The following FNDC3A variants were observed in gnomAD, a reference collection of about 807,000 sequenced individuals.
FNDC3A encodes fibronectin type III domain containing 3A, also known as fibronectin type-III domain-containing protein 3A.
FNDC3A carries 32 observed loss-of-function variants against 148.9 expected under a neutral mutation model. The observed-to-expected ratio is 0.21, with a 90% CI of 0.16 to 0.29. The LOEUF (loss-of-function observed/expected upper bound fraction) is 0.29, where lower values mean the gene tolerates loss of function less well. Ranked by LOEUF, FNDC3A falls within the 10% of genes least tolerant of loss-of-function variation. FNDC3A has a pLI of 1.00. For synonymous variants in FNDC3A, 472 were observed against 473.6 expected (o/e 1.00, Z 0.04); for missense variants, 1,191 against 1,452.8 (o/e 0.82, Z 2.93).
At chr13:48,975,846 C>A (rs1566168400), upstream of FNDC3A, 1 of 151,430 alleles carries the variant, frequency 6.6e-6, no homozygotes, top group Non-Finnish European at 1.5e-5. Flanking sequence ...GGTTCGGGGT[C>A]CCGGCCGCGG....
chr13:49,122,760 A>G (rs538406121), intron 4 of FNDC3A, among the ~76,000 whole-genome samples: 1 of 152,328 alleles, frequency 6.6e-6, no homozygotes, highest in African/African-American at 2.4e-5. Context: ...TGCTACAAAG[A>G]GAACAAAATA....
At chr13:49,064,696 A>G (rs1231741614) in intron 2 of FNDC3A, among the ~76,000 whole-genome samples, 6 of 152,136 alleles carry the variant, frequency 3.9e-5, no homozygotes, top group Admixed American at 1.3e-4. Context: ...TAATGATGCT[A>G]TAGCTCCTCC....
chr13:49,178,619 A>G lies in FNDC3A; in HGVS notation c.1582A>G (p.Lys528Glu). 1 of 1,584,240 alleles carries G rather than the reference A, an allele frequency of 6.3e-7. No homozygotes were observed. Among genetic ancestry groups the G allele is most frequent in the Non-Finnish European group, 8.6e-7 (1 of 1,166,994 alleles). The part of the protein sequence containing the change: ...YDGEDLAYTV[K>E]NLRRSTKYKF... ...TGGAGAAGATCTTGCTTACACAGTG[A>G]AAAATCTCAGACGTAGTACTAAGTA... The change falls in exon 14 of 26, where the codon AAA becomes GAA. Residue 528 changes from lysine to glutamate, a missense_variant. Coordinates refer to ENST00000492622, the MANE Select transcript of FNDC3A (RefSeq NM_001079673.2).
rs143079938 is a variant in FNDC3A, at chr13:49,091,964, C to T, written c.175+16600C>T. 1.7e-4 allele frequency among the ~76,000 whole-genome samples: 26 copies of T among 152,336 alleles called. No individual in the cohort carries two copies. The East Asian group carries it at 3.7e-3, about 22-fold the overall frequency. On this transcript the variant is annotated intron_variant, in intron 3 of 25. Transcript: ENST00000492622. ...TGACCCATAGTCAAATATTCAGTTT[C>T]CACCAAAGCCCAGTAACGGGCCAAG...
chr13:49,074,555 A>G (rs921340246), intron 2 of FNDC3A, among the ~76,000 whole-genome samples: 2 of 152,190 alleles, frequency 1.3e-5, no homozygotes, highest in Non-Finnish European at 2.9e-5. Flanking sequence ...AGTTAGGGGA[A>G]TGGTTAAGTC....
At chr13:49,124,244 G>C (rs1393870165) in intron 4 of FNDC3A, among the ~76,000 whole-genome samples, 2 of 152,040 alleles carry the variant, frequency 1.3e-5, no homozygotes, top group Non-Finnish European at 2.9e-5. Flanking sequence ...CACAGGAACA[G>C]AAAACCAAAC....
chr13:48,999,375 G>C (rs1952082838), intron 1 of FNDC3A, among the ~76,000 whole-genome samples: 1 of 152,198 alleles, frequency 6.6e-6, no homozygotes, highest in Admixed American at 6.5e-5. Context: ...GGGAATGTCT[G>C]TCCTGTGCCT....
Position 49,101,049 on chromosome 13 carries a change from G to A in FNDC3A, c.176-13606G>A, listed in dbSNP as rs116102019. Among the ~76,000 whole-genome samples the A allele has an allele frequency of 7.6e-3, 1,161 of 152,216 alleles. 20 individuals carry two copies. Among genetic ancestry groups the A allele is most frequent in the African/African-American group, 0.026 (1,100 of 41,540 alleles). ...TGCAGGTTGATTAAGGCCTCTGAAC[G>A]GGATAAGAGGTAAAACCTGGGTGAG... On this transcript the variant is annotated intron_variant, in intron 3 of 25. Transcript: ENST00000492622.
In FNDC3A at chr13:49,090,756, CTT is replaced by C. The variant is rs557564774; in HGVS notation, c.175+15394_175+15395del. On this transcript the variant is annotated intron_variant, in intron 3 of 25. Coordinates refer to ENST00000492622, the MANE Select transcript of FNDC3A (RefSeq NM_001079673.2). ...GTGGCTCATGCCTGTAATCACGACA[CTT>C]TGGGAGGCCAAGGTAGGAGGATCGT... Among the ~76,000 whole-genome samples the C allele has an allele frequency of 4.8e-4, 73 of 152,314 alleles. 1 individual carries two copies. The highest frequency in any genetic ancestry group is 3.1e-4 in the Non-Finnish European group (21 of 68,026).
chr13:49,021,212 C>A (rs968299782), intron 2 of FNDC3A, among the ~76,000 whole-genome samples: 3 of 152,184 alleles, frequency 2.0e-5, no homozygotes, highest in Admixed American at 2.0e-4. Flanking sequence ...CTTTTCAAAG[C>A]CCCTATATGA....
rs186927104 is a variant in FNDC3A at position 49,201,624 on chromosome 13, T to C, written c.2988-176T>C. On this transcript the variant is annotated intron_variant, in intron 23 of 25. Coordinates refer to ENST00000492622, the MANE Select transcript of FNDC3A (RefSeq NM_001079673.2). ...TTACCAAATATCCTATTTTTCTTAA[T>C]CTGATGAAAAACAGATTTATTTTAA... Among the ~76,000 whole-genome samples, 15 of 152,278 alleles carry C rather than the reference T, an allele frequency of 9.9e-5. No homozygotes were observed. The East Asian group carries it at 2.3e-3, about 23-fold the overall frequency.
intron 1 of FNDC3A, among the ~76,000 whole-genome samples, chr13:48,986,545 G>GCC (rs1951806555): frequency 2.6e-5 from 4 of 151,750 alleles, no homozygotes; most frequent in Admixed American, 2.6e-4. Flanking sequence ...AGAAGCACGT[G>GCC]CCACCACACC....
At chr13:49,159,052 A>G (rs996654033) in intron 8 of FNDC3A, among the ~76,000 whole-genome samples, 21 of 152,148 alleles carry the variant, frequency 1.4e-4, no homozygotes, top group African/African-American at 4.8e-4. Context: ...GTCAGGTAGC[A>G]TGACGCCTCC....
At chr13:49,060,638 G>C (rs1490967011) in intron 2 of FNDC3A, among the ~76,000 whole-genome samples, 1 of 88,418 alleles carries the variant, frequency 1.1e-5, no homozygotes, top group African/African-American at 4.4e-5. Context: ...AACGAGACTC[G>C]GTCTCAAAAA....
intron 1 of FNDC3A, among the ~76,000 whole-genome samples, chr13:48,996,743 ACACATCAAAAAAC>A (rs1189430739): frequency 2.6e-5 from 4 of 152,112 alleles, no homozygotes; most frequent in Non-Finnish European, 5.9e-5. Context: ...TTTGAATTGG[ACACATCAAAAAAC>A]CACATCAAAA....
chr13:49,058,373 G>C (rs1349101118), intron 2 of FNDC3A, among the ~76,000 whole-genome samples: 1 of 152,066 alleles, frequency 6.6e-6, no homozygotes, highest in African/African-American at 2.4e-5. Context: ...CTAACTACCA[G>C]GCCCAGGGTG....
At chr13:49,018,097 G>A (rs1872969678) in intron 2 of FNDC3A, among the ~76,000 whole-genome samples, 2 of 150,748 alleles carry the variant, frequency 1.3e-5, no homozygotes, top group Middle Eastern at 3.4e-3. Flanking sequence ...TGCTCTTCTC[G>A]AGGAGTATCT....
rs73496222 is a variant in FNDC3A at position 49,195,071 on chromosome 13, A to G, written c.2227-1806A>G. On this transcript the variant is annotated intron_variant, in intron 19 of 25. Transcript: ENST00000492622. ...CACCATATCAAATAATACTTTTATT[A>G]TAAGATTGGTTTTCAAGAGCCGTAT... is the stretch of plus-strand genomic sequence containing the variant. 4.5e-3 allele frequency among the ~76,000 whole-genome samples: 686 copies of G among 152,270 alleles called. 6 individuals are homozygous for G. Among genetic ancestry groups the G allele is most frequent in the African/African-American group, 0.016 (663 of 41,558 alleles).
intron 2 of FNDC3A, among the ~76,000 whole-genome samples, chr13:49,059,965 T>A (rs143833519): frequency 9.2e-5 from 14 of 152,278 alleles, no homozygotes; most frequent in African/African-American, 3.4e-4. Flanking sequence ...AACCAAGAGA[T>A]ACATTATACT....
Sources: allele counts gnomAD v4.1 joint callset (sites outside exome capture counted in the v4.1 genomes callset), GRCh38; gene constraint gnomAD v4.1.1; transcripts MANE v1.5; gene names NCBI Gene and HGNC (gene_info 2026-07-23, HGNC 2026-07-21).